Variants in PCDHAC1 observed in about 807,000 individuals in gnomAD.
PCDHAC1 encodes the protein protocadherin alpha subfamily C, 1, also known as protocadherin alpha-C1.
Under a neutral mutation model 60.0 loss-of-function variants are expected in PCDHAC1, and 42 were observed. That is an observed-to-expected ratio of 0.70 (90% CI 0.55 to 0.90). PCDHAC1 has a LOEUF of 0.90. Ranked by LOEUF, PCDHAC1 falls within the 40% of genes least tolerant of loss-of-function variation. The pLI is 0.00. For synonymous variants in PCDHAC1, 468 were observed against 499.3 expected, an observed-to-expected ratio of 0.94 and a Z score of 0.84; for missense variants, 1,160 against 1,222.3, an observed-to-expected ratio of 0.95 and a Z score of 0.76.
intron 3 of PCDHAC1, among the ~76,000 whole-genome samples, chr5:140,996,269 T>C (rs1183604392): frequency 6.6e-6 from 1 of 152,194 alleles, no homozygotes; most frequent in East Asian, 1.9e-4. Context: ...GAGCCTGGGA[T>C]TGCTGCCAAA....
Position 140,949,948 on chromosome 5 carries a change from G to T in PCDHAC1, c.2433+20623G>T, listed in dbSNP as rs2094436034. Among the ~76,000 whole-genome samples the T allele has an allele frequency of 2.0e-5, 3 of 151,288 alleles. No individual in the cohort carries two copies. In the South Asian group the frequency reaches 6.2e-4, roughly 31 times the overall value. On this transcript the variant is annotated intron_variant, in intron 1 of 3. Coordinates refer to ENST00000253807, the MANE Select transcript of PCDHAC1 (RefSeq NM_018898.5). ...GATTTTTTTTAATTTGCATTTTTTA[G>T]TGGTTGCTGTAAGGATTACAGCATA...
chr5:141,010,226 C>G lies in PCDHAC1; in HGVS notation c.*289C>G, dbSNP rs1386050566. The G allele has an allele frequency of 1.3e-6, 2 of 1,551,706 alleles. No individual in the cohort carries two copies. Among genetic ancestry groups the G allele is most frequent in the Non-Finnish European group, 1.7e-6 (2 of 1,147,032 alleles). ...CGCCGCAAAGGAGAGGCTTCCCAGC[C>G]CCGCCAGTGAGAGGTTGGACTCTCT... On this transcript the variant is annotated 3_prime_UTR_variant, in exon 4 of 4. Coordinates refer to ENST00000253807, the MANE Select transcript of PCDHAC1 (RefSeq NM_018898.5).
At chr5:140,964,866 C>A (rs2095858965) in intron 1 of PCDHAC1, among the ~76,000 whole-genome samples, 1 of 152,132 alleles carries the variant, frequency 6.6e-6, no homozygotes, top group Non-Finnish European at 1.5e-5. Flanking sequence ...ACAAAGAGGA[C>A]AAATAAGAAG....
At chr5:140,947,854 A>G (rs2094183959) in intron 1 of PCDHAC1, among the ~76,000 whole-genome samples, 1 of 151,504 alleles carries the variant, frequency 6.6e-6, no homozygotes, top group Non-Finnish European at 1.5e-5. Context: ...TTATTTTGTC[A>G]TTATAATGGC....
chr5:140,947,784 T>C (rs2094176527), intron 1 of PCDHAC1, among the ~76,000 whole-genome samples: 1 of 151,672 alleles, frequency 6.6e-6, no homozygotes, highest in Non-Finnish European at 1.5e-5. Context: ...AAATGGATTT[T>C]AAACAGACTT....
chr5:140,969,404 G>A (rs1345885868), intron 1 of PCDHAC1: 2 of 1,577,250 alleles, frequency 1.3e-6, no homozygotes, highest in Admixed American at 1.9e-5. Context: ...CTGTGATTTG[G>A]CTTTATTGAG....
chr5:140,927,831 G>T lies in PCDHAC1; in HGVS notation c.939G>T (p.Arg313Ser). ...TCTTGGAGGCATACATTGAGGCGAG[G>T]GACGAAGGTGTCTTTGGTTTAGCTA... Reference protein sequence around the residue: ...ETLLEAYIEARDEGVFGLAST... With the variant: ...ETLLEAYIEASDEGVFGLAST... Residue 313 changes from arginine to serine, a missense_variant, in exon 1 of 4, where the codon AGG (arginine) becomes AGT (serine). By Grantham distance (110) the Arg-to-Ser change is moderately radical (BLOSUM62 -1). Coordinates refer to ENST00000253807, the MANE Select transcript of PCDHAC1 (RefSeq NM_018898.5). 1 of 1,614,186 alleles carries T rather than the reference G, an allele frequency of 6.2e-7. No homozygotes were observed. The highest frequency in any genetic ancestry group is 8.5e-7 in the Non-Finnish European group (1 of 1,180,030).
intron 3 of PCDHAC1, among the ~76,000 whole-genome samples, chr5:140,996,371 C>G (rs1183587138): frequency 6.6e-6 from 1 of 152,126 alleles, no homozygotes; most frequent in Admixed American, 6.6e-5. Context: ...ATTTTGTTGT[C>G]GGCTGAAATA....
Position 140,965,562 on chromosome 5 carries a change from A to G in PCDHAC1, c.2434-13387A>G, listed in dbSNP as rs548302746. 1.9e-4 allele frequency among the ~76,000 whole-genome samples: 29 copies of G among 152,242 alleles called. No homozygotes were observed. In the South Asian group the frequency reaches 6.0e-3, roughly 32 times the overall value. On this transcript the variant is annotated intron_variant, in intron 1 of 3. Coordinates refer to ENST00000253807, the MANE Select transcript of PCDHAC1 (RefSeq NM_018898.5). ...AATTCCAGCCTGGCTTAGGAGATCA[A>G]CAGTAACGCTCTTGATTTAATGGTT...
intron 3 of PCDHAC1, among the ~76,000 whole-genome samples, chr5:140,990,798 A>G (rs1554251753): frequency 6.6e-6 from 1 of 152,208 alleles, no homozygotes; most frequent in Admixed American, 6.5e-5. Context: ...ACCATGGAAT[A>G]CAGAAGAAGC....
chr5:140,991,308 C>T (rs374484318), intron 3 of PCDHAC1, among the ~76,000 whole-genome samples: 1 of 152,282 alleles, frequency 6.6e-6, no homozygotes, highest in South Asian at 2.1e-4. Flanking sequence ...ATTATCTTGT[C>T]CCGCATGATA....
intron 1 of PCDHAC1, among the ~76,000 whole-genome samples, chr5:140,942,981 G>A (rs1242135518): frequency 6.6e-6 from 1 of 152,048 alleles, no homozygotes; most frequent in Non-Finnish European, 1.5e-5. Context: ...TTGGGGCTGG[G>A]TGTGGTGGCT....
intron 3 of PCDHAC1, among the ~76,000 whole-genome samples, chr5:140,986,846 A>G (rs782028314): frequency 6.6e-6 from 1 of 152,200 alleles, no homozygotes; most frequent in Non-Finnish European, 1.5e-5. Flanking sequence ...AAGGGGCAGC[A>G]ACACCAACAA....
intron 1 of PCDHAC1, among the ~76,000 whole-genome samples, chr5:140,932,087 A>G (rs1262295013): frequency 6.6e-6 from 1 of 151,918 alleles, no homozygotes; most frequent in African/African-American, 2.4e-5. Flanking sequence ...TCAGGAAAAC[A>G]TGGTTTTTAT....
At chr5:140,997,302 G>A (rs1430183310) in intron 3 of PCDHAC1, among the ~76,000 whole-genome samples, 2 of 152,154 alleles carry the variant, frequency 1.3e-5, no homozygotes, top group Non-Finnish European at 2.9e-5. Flanking sequence ...GATACACTGA[G>A]AAATGTGTCT....
At chr5:140,966,900 G>A (rs376213042) in intron 1 of PCDHAC1, 1 of 1,598,684 alleles carries the variant, frequency 6.3e-7, no homozygotes, top group Non-Finnish European at 8.5e-7. Flanking sequence ...TCCCAGCTGC[G>A]ATACTCTGTG....
At chr5:140,974,240 A>G (rs1554235899) in intron 1 of PCDHAC1, among the ~76,000 whole-genome samples, 1 of 152,188 alleles carries the variant, frequency 6.6e-6, no homozygotes, top group African/African-American at 2.4e-5. Context: ...CTTGGCATAT[A>G]AGCACCATCA....
chr5:140,966,946 C>G (rs377699694), intron 1 of PCDHAC1: 3 of 1,603,368 alleles, frequency 1.9e-6, no homozygotes, highest in African/African-American at 2.7e-5. Context: ...TCGTGGGCAA[C>G]GTGGCTCGCG....
Position 140,928,736 on chromosome 5 carries a change from T to C in PCDHAC1, c.1844T>C (p.Ile615Thr). ...DSSLFRISAN[I>T]GELRTARLVL... ...AGTCTCTTTAGAATTTCAGCCAATA[T>C]AGGTGAGCTCCGTACTGCTCGCTTA... The change falls in exon 1 of 4, where the codon ATA becomes ACA. Residue 615 changes from isoleucine to threonine, a missense_variant. By Grantham distance (89) the Ile-to-Thr change is moderately conservative. This residue lies in a region of PCDHAC1 where 1,113 missense variants were observed against 1,163.7 expected (regional missense o/e 0.96). Coordinates refer to ENST00000253807, the MANE Select transcript of PCDHAC1 (RefSeq NM_018898.5). 6.2e-7 allele frequency: 1 copy of C among 1,614,174 alleles called. No homozygotes were observed. The highest frequency in any genetic ancestry group is 8.5e-7 in the Non-Finnish European group (1 of 1,180,038).
Sources: allele counts gnomAD v4.1 joint callset (sites outside exome capture counted in the v4.1 genomes callset), GRCh38; gene constraint gnomAD v4.1.1; regional missense constraint gnomAD v4.1.1; transcripts MANE v1.5; gene names NCBI Gene and HGNC (gene_info 2026-07-23, HGNC 2026-07-21).